NUP205: variants seen among roughly 807,000 people sequenced by gnomAD.
The protein encoded by NUP205 is nuclear pore complex protein Nup205.
A neutral mutation model predicts 253.8 loss-of-function variants in NUP205; 76 were observed. The ratio of observed to expected loss-of-function variants is 0.30; its 90% CI spans 0.25 to 0.36. The LOEUF (loss-of-function observed/expected upper bound fraction) is 0.36, where lower values mean the gene tolerates loss of function less well. Among genes scored for constraint, NUP205 ranks in the 10% least tolerant of loss-of-function variants. NUP205 has a pLI of 1.00. For synonymous variants in NUP205, 832 were observed against 850.1 expected (o/e 0.98, Z 0.37); for missense variants, 2,162 against 2,425.5 (o/e 0.89, Z 2.28).
intron 1 of NUP205, among the ~76,000 whole-genome samples, chr7:135,569,133 C>T (rs1010379347): frequency 2.0e-5 from 3 of 152,218 alleles, no homozygotes; most frequent in African/African-American, 7.2e-5. Context: ...TGCAATGGCA[C>T]GATCTCGGCT....
At chr7:135,567,174 A>ATATATATATATATATATATG (rs1805803075) in intron 1 of NUP205, among the ~76,000 whole-genome samples, 2 of 105,836 alleles carry the variant, frequency 1.9e-5, no homozygotes, top group Admixed American at 9.9e-5. Flanking sequence ...ATATATATAT[A>ATATATATATATATATATATG]TATATATGTA....
At chr7:135,583,557 C>G (rs948510569) in intron 7 of NUP205, among the ~76,000 whole-genome samples, 2 of 152,032 alleles carry the variant, frequency 1.3e-5, no homozygotes, top group Admixed American at 1.3e-4. Flanking sequence ...GTCAGTAGTT[C>G]AAGACCAGCC....
chr7:135,576,139 GAGGAC>G, intron 3 of NUP205, 126 bp from the exon 4 acceptor site: 1 of 626,222 alleles, frequency 1.6e-6, no homozygotes, highest in East Asian at 3.0e-5. Flanking sequence ...GTTTGTAGTA[GAGGAC>G]CCCAGGGCCC....
At chr7:135,593,562 G>A (rs1793750619) in intron 12 of NUP205, among the ~76,000 whole-genome samples, 1 of 152,160 alleles carries the variant, frequency 6.6e-6, no homozygotes, top group Non-Finnish European at 1.5e-5. Flanking sequence ...GTCATTTACT[G>A]TATTATTTTT....
chr7:135,606,411 A>G (rs1172017955), intron 20 of NUP205, among the ~76,000 whole-genome samples, 185 bp downstream of exon 20: 1 of 152,220 alleles, frequency 6.6e-6, no homozygotes, highest in Non-Finnish European at 1.5e-5. Flanking sequence ...CACCACCAAC[A>G]TGACTCTCAA....
rs1172899536 is a variant in NUP205 at position 135,613,545 on chromosome 7, C to CT, written c.3196-604dup. Among the ~76,000 whole-genome samples the CT allele has an allele frequency of 4.7e-3, 648 of 136,650 alleles. 6 individuals are homozygous for CT. Among genetic ancestry groups the CT allele is most frequent in the African/African-American group, 0.015 (547 of 36,892 alleles). 89.6% of individuals were successfully genotyped at this position (136,650 alleles called of 152,430 possible). ...TAATTTTTTTCTTTTCTTTTTTTTTCTTTTTTTTTTGAGACAGGGTCTTGC... is the reference window on the plus strand; with the variant it reads ...TAATTTTTTTCTTTTCTTTTTTTTTCTTTTTTTTTTTGAGACAGGGTCTTGC... On this transcript the variant is annotated intron_variant, in intron 22 of 42. Coordinates refer to ENST00000285968, the MANE Select transcript of NUP205 (RefSeq NM_015135.3).
intron 30 of NUP205, among the ~76,000 whole-genome samples, chr7:135,621,650 CA>C (rs1186789510): frequency 6.6e-6 from 1 of 152,056 alleles, no homozygotes; most frequent in African/African-American, 2.4e-5. Flanking sequence ...TGTTCCTAAT[CA>C]TTGTATAATG....
chr7:135,637,399 C>T (rs946990626), intron 36 of NUP205, among the ~76,000 whole-genome samples: 9 of 152,222 alleles, frequency 5.9e-5, no homozygotes, highest in Non-Finnish European at 1.0e-4. Context: ...ACTGTATTCT[C>T]AGGTGAGAAG....
intron 1 of NUP205, among the ~76,000 whole-genome samples, chr7:135,562,486 A>G (rs183721723): frequency 6.6e-6 from 1 of 151,482 alleles, no homozygotes; most frequent in Admixed American, 6.6e-5. Context: ...GCATGAGCAG[A>G]AAGTCCCCAT....
At chr7:135,558,665 AGT>A (rs1348846053) in intron 1 of NUP205, among the ~76,000 whole-genome samples, 1 of 152,146 alleles carries the variant, frequency 6.6e-6, no homozygotes, top group Non-Finnish European at 1.5e-5. Context: ...TGTTTGAATG[AGT>A]GAGTGCATTT....
chr7:135,622,743 A>G (rs1273059036), intron 30 of NUP205, 34 bp from the exon 31 acceptor site: 3 of 1,601,990 alleles, frequency 1.9e-6, no homozygotes, highest in East Asian at 4.5e-5. Flanking sequence ...ACTGCTTTTT[A>G]CTGGAGTGTT....
At chr7:135,643,164 C>T in intron 38 of NUP205, 28 bp from the exon 39 acceptor site, 1 of 1,591,606 alleles carries the variant, frequency 6.3e-7, no homozygotes, top group Non-Finnish European at 8.6e-7. Flanking sequence ...ATAAGTGGAA[C>T]ATTGTTTTAT....
intron 2 of NUP205, among the ~76,000 whole-genome samples, chr7:135,573,269 CTG>C (rs1245777498): frequency 6.6e-6 from 1 of 152,138 alleles, no homozygotes; most frequent in Non-Finnish European, 1.5e-5. Flanking sequence ...CATTAATAAA[CTG>C]TTACTTGCTC....
In NUP205 at chr7:135,588,959, C is replaced by T. The variant is rs181140649; in HGVS notation, c.1473+967C>T. Among the ~76,000 whole-genome samples, 11 of 151,032 alleles carry T rather than the reference C, an allele frequency of 7.3e-5. 1 individual carries two copies. The highest frequency in any genetic ancestry group is 4.0e-4 in the Admixed American group (6 of 15,098). On this transcript the variant is annotated intron_variant, in intron 10 of 42. Transcript: ENST00000285968. ...CTTTGGGAAGCTGAGGTGGGAAGATCGCTTGAAGCCAAAATTTGAGACCAG... is the reference window on the plus strand; with the variant it reads ...CTTTGGGAAGCTGAGGTGGGAAGATTGCTTGAAGCCAAAATTTGAGACCAG...
At chr7:135,640,017 A>G (rs1794889006) in intron 38 of NUP205, among the ~76,000 whole-genome samples, 1 of 152,210 alleles carries the variant, frequency 6.6e-6, no homozygotes, top group South Asian at 2.1e-4. Context: ...ATGAGAACAC[A>G]TGGACACAGG....
intron 7 of NUP205, among the ~76,000 whole-genome samples, chr7:135,584,328 A>G (rs957560150): frequency 2.0e-5 from 3 of 152,210 alleles, no homozygotes; most frequent in Non-Finnish European, 4.4e-5. Context: ...CAAATAAAAT[A>G]TAAAAAAATT....
intron 15 of NUP205, among the ~76,000 whole-genome samples, 179 bp from the exon 16 acceptor site, chr7:135,600,690 AT>A (rs1201057947): frequency 6.6e-6 from 1 of 152,248 alleles, no homozygotes; most frequent in East Asian, 1.9e-4. Flanking sequence ...CCAATTCATT[AT>A]CTTTTAGCAA....
In NUP205 at chr7:135,587,940, C is replaced by T; in HGVS notation, c.1421C>T (p.Thr474Ile). 1.2e-6 allele frequency: 2 copies of T among 1,613,986 alleles called. No individual in the cohort carries two copies. The highest frequency in any genetic ancestry group is 8.5e-7 in the Non-Finnish European group (1 of 1,179,938). The part of the protein sequence containing the change: ...WCPTEPLQTP[T>I]IMGSYLGVAH... ...CCCACAGAGCCTCTTCAGACTCCGA[C>T]TATCATGGGCTCTTATCTAGGGGTG... The change falls in exon 10 of 43, where the codon ACT (threonine) becomes ATT (isoleucine). Residue 474 changes from threonine to isoleucine, a missense_variant. Transcript: ENST00000285968.
intron 1 of NUP205, among the ~76,000 whole-genome samples, chr7:135,564,928 G>A (rs1291608326): frequency 6.6e-6 from 1 of 151,832 alleles, no homozygotes; most frequent in Non-Finnish European, 1.5e-5. Context: ...CACCATGCCT[G>A]GCTACTTTTT....
Sources: gnomAD v4.1 joint callset for allele counts (sites outside exome capture counted in the v4.1 genomes callset) on GRCh38, gnomAD v4.1.1 for gene constraint, MANE v1.5 for transcripts, NCBI Gene and HGNC (gene_info 2026-07-23, HGNC 2026-07-21) for gene names.